FNIP1: variants seen among roughly 807,000 people sequenced by gnomAD.
The protein encoded by FNIP1 is folliculin interacting protein 1.
FNIP1 carries 40 observed loss-of-function variants against 124.5 expected under a neutral mutation model. The ratio of observed to expected loss-of-function variants is 0.32; its 90% confidence interval spans 0.25 to 0.42. The LOEUF (loss-of-function observed/expected upper bound fraction) is 0.42, where lower values mean the gene tolerates loss of function less well. Among genes scored for constraint, FNIP1 ranks in the 10% least tolerant of loss-of-function variants. FNIP1 has a pLI of 1.00. For missense variants in FNIP1, 1,176 were observed against 1,403.7 expected, an observed-to-expected ratio of 0.84 and a Z score of 2.59; for synonymous variants, 472 against 470.6, an observed-to-expected ratio of 1.00 and a Z score of -0.04.
chr5:131,796,365 G>T (rs547461864), intron 1 of FNIP1: 2 of 162,252 alleles, frequency 1.2e-5, no homozygotes, highest in South Asian at 1.6e-4. Flanking sequence ...TTGGCCAAAC[G>T]TGCCGCTCTC....
At chr5:131,702,279 C>A (rs937744267) in intron 10 of FNIP1, among the ~76,000 whole-genome samples, 29 of 152,316 alleles carry the variant, frequency 1.9e-4, no homozygotes, top group African/African-American at 7.0e-4. Flanking sequence ...TGAGCTCAAG[C>A]ACCCCTCCCA....
At chr5:131,708,340 A>G (rs1246475903) in intron 8 of FNIP1, among the ~76,000 whole-genome samples, 2 of 152,220 alleles carry the variant, frequency 1.3e-5, no homozygotes, top group African/African-American at 4.8e-5. Context: ...ATATAATGTA[A>G]CAACACATGC....
chr5:131,716,634 T>G lies in FNIP1; in HGVS notation c.553A>C (p.Ile185Leu). The G allele has an allele frequency of 6.2e-7, 1 of 1,602,616 alleles. No individual in the cohort carries two copies. Among genetic ancestry groups the G allele is most frequent in the Non-Finnish European group, 8.5e-7 (1 of 1,174,794 alleles). Residue 185 changes from isoleucine to leucine, a missense_variant, in exon 6 of 18, where the codon ATC becomes CTC. By Grantham distance (5) the Ile-to-Leu change is conservative. Around this residue, in one of 2 missense-constraint regions of FNIP1, gnomAD observed 1,109 missense variants for 1,288.5 expected, o/e 0.86. Coordinates refer to ENST00000510461, the MANE Select transcript of FNIP1 (RefSeq NM_133372.3). ...TTTAATGTATTGTTGTCCTGATTGATGAATTCAAGACTATCTTGTAGCCTA... is the reference window on the plus strand; with the variant it reads ...TTTAATGTATTGTTGTCCTGATTGAGGAATTCAAGACTATCTTGTAGCCTA... ...LNTLQDSLEFINQDNNTLKAD... is the reference protein window; with the variant it reads ...LNTLQDSLEFLNQDNNTLKAD...
intron 11 of FNIP1, among the ~76,000 whole-genome samples, chr5:131,690,224 A>G (rs1361008988): frequency 6.6e-6 from 1 of 152,014 alleles, no homozygotes; most frequent in African/African-American, 2.4e-5. Context: ...CTCCATCTCA[A>G]AAATAAAATA....
intron 1 of FNIP1, among the ~76,000 whole-genome samples, chr5:131,794,622 T>C (rs1772516376): frequency 6.6e-6 from 1 of 152,298 alleles, no homozygotes; most frequent in East Asian, 1.9e-4. Context: ...TACAATGGAA[T>C]ACCATTCAGT....
intron 11 of FNIP1, among the ~76,000 whole-genome samples, chr5:131,688,570 T>C (rs1178182159): frequency 6.6e-6 from 1 of 151,392 alleles, no homozygotes; most frequent in Non-Finnish European, 1.5e-5. Flanking sequence ...AAAATTATGA[T>C]AAATATGTTT....
rs1266339855 is a variant in FNIP1 at position 131,671,628 on chromosome 5, G to T, written c.2816C>A (p.Ser939Ter). ...TEWDIPRNES[S>*]DSALGDSESE... ...TTCACTATCCCCAAGGGCACTGTCT[G>T]AACTTTCATTTCTTGGAATGTCCCA... The change falls in exon 14 of 18, where the codon TCA becomes TAA. Residue 939 changes from serine to a stop codon, truncating the protein, a stop_gained. Transcript: ENST00000510461. LOFTEE classifies it high-confidence loss of function. 1 of 1,614,060 alleles carries T rather than the reference G, an allele frequency of 6.2e-7. No homozygotes were observed. The highest frequency in any genetic ancestry group is 1.1e-5 in the South Asian group (1 of 91,074).
At chr5:131,677,906 C>T (rs376797214) in intron 12 of FNIP1, 34 bp from the exon 13 acceptor site, 58 of 1,597,074 alleles carry the variant, frequency 3.6e-5, no homozygotes, top group Non-Finnish European at 4.9e-5. Flanking sequence ...AGATTCCAAT[C>T]AGTCTTCATG....
Position 131,698,990 on chromosome 5 carries a change from T to C in FNIP1, c.1129A>G (p.Ser377Gly), listed in dbSNP as rs770905771. Residue 377 changes from serine to glycine, a missense_variant, in exon 11 of 18, where the codon AGC (serine) becomes GGC (glycine). By Grantham distance (56) the Ser-to-Gly change is moderately conservative. Transcript: ENST00000510461. ...TGACTGGCATCAGCTGATCTCCGGC[T>C]CATTTTCATAGCCTTGAAAACAATC... ...KSAIEQAMKMSRRSADASQRS... is the reference protein window; with the variant it reads ...KSAIEQAMKMGRRSADASQRS... 2 of 1,609,514 alleles carry C rather than the reference T, an allele frequency of 1.2e-6. No individual in the cohort carries two copies. The highest frequency in any genetic ancestry group is 4.5e-5 in the East Asian group (2 of 44,670).
At chr5:131,653,990 T>C (rs1392046579) in intron 15 of FNIP1, among the ~76,000 whole-genome samples, 1 of 152,252 alleles carries the variant, frequency 6.6e-6, no homozygotes, top group African/African-American at 2.4e-5. Flanking sequence ...TCCACCTACC[T>C]TGGCCTCCCA....
chr5:131,784,737 A>T (rs1772105565), intron 1 of FNIP1, among the ~76,000 whole-genome samples: 1 of 151,478 alleles, frequency 6.6e-6, no homozygotes, highest in African/African-American at 2.4e-5. Flanking sequence ...TGGGAAGATC[A>T]CTTGAGCCCA....
chr5:131,720,694 C>A (rs759089418), intron 3 of FNIP1, among the ~76,000 whole-genome samples: 6 of 152,182 alleles, frequency 3.9e-5, no homozygotes, highest in Non-Finnish European at 8.8e-5. Context: ...CAATTAAGGT[C>A]TTGAATAAAC....
rs1491556738 is a variant in FNIP1 at position 131,785,069 on chromosome 5, A to AC, written c.92+11760_92+11761insG. ...TATGACTATATATATCATATATATG[A>AC]TATATATGACATATATATATGATAT... On this transcript the variant is annotated intron_variant, in intron 1 of 17. Coordinates refer to ENST00000510461, the MANE Select transcript of FNIP1 (RefSeq NM_133372.3). Among the ~76,000 whole-genome samples the AC allele has an allele frequency of 9.0e-3, 121 of 13,516 alleles. 4 individuals are homozygous for AC. Among genetic ancestry groups the AC allele is most frequent in the African/African-American group, 0.021 (107 of 4,984 alleles). 8.9% of individuals were successfully genotyped at this position (13,516 alleles called of 152,430 possible). A position where few individuals can be genotyped will look rare whatever the true frequency, so the allele number is the denominator to read the frequency against.
intron 10 of FNIP1, among the ~76,000 whole-genome samples, chr5:131,702,965 T>C (rs1002289117): frequency 1.3e-5 from 2 of 152,198 alleles, no homozygotes; most frequent in African/African-American, 4.8e-5. Flanking sequence ...CCAATCTCCA[T>C]CAGTTTCATG....
chr5:131,794,899 T>C (rs1772531126), intron 1 of FNIP1, among the ~76,000 whole-genome samples: 1 of 152,208 alleles, frequency 6.6e-6, no homozygotes, highest in African/African-American at 2.4e-5. Flanking sequence ...ATGAGGGAAC[T>C]TTTTGGGTGA....
chr5:131,683,843 C>T (rs1298548676), intron 11 of FNIP1, among the ~76,000 whole-genome samples: 1 of 152,146 alleles, frequency 6.6e-6, no homozygotes, highest in Non-Finnish European at 1.5e-5. Context: ...TGAACCACTG[C>T]CCCTAAGGAA....
chr5:131,706,062 T>C (rs1320286455), intron 9 of FNIP1, among the ~76,000 whole-genome samples: 1 of 151,508 alleles, frequency 6.6e-6, no homozygotes, highest in Non-Finnish European at 1.5e-5. Flanking sequence ...AGACAGAAAA[T>C]AGAATGGTGG....
chr5:131,687,104 CT>C (rs796325487), intron 11 of FNIP1, among the ~76,000 whole-genome samples: 531 of 133,660 alleles, frequency 4.0e-3, no homozygotes, highest in Non-Finnish European at 4.6e-3. Flanking sequence ...GTTTGTTTGG[CT>C]TTTTTTTTTT....
intron 11 of FNIP1, among the ~76,000 whole-genome samples, chr5:131,687,537 T>C (rs1374802245): frequency 2.0e-5 from 3 of 152,208 alleles, no homozygotes; most frequent in African/African-American, 7.2e-5. Context: ...TGGAAGTCAT[T>C]ATTCTTGTTC....
Sources: gnomAD v4.1 joint callset for allele counts (sites outside exome capture counted in the v4.1 genomes callset) on GRCh38, gnomAD v4.1.1 for gene constraint, gnomAD v4.1.1 regional missense constraint, MANE v1.5 for transcripts, NCBI Gene and HGNC (gene_info 2026-07-23, HGNC 2026-07-21) for gene names.